Variants in EPS15L1 observed in about 807,000 individuals in gnomAD.
EPS15L1 encodes epidermal growth factor receptor substrate 15-like 1.
EPS15L1 carries 43 observed loss-of-function variants against 117.1 expected under a neutral mutation model. That is an observed-to-expected ratio of 0.37 (90% CI 0.29 to 0.47). EPS15L1 has a LOEUF of 0.47. Ranked by LOEUF, EPS15L1 falls within the 20% of genes least tolerant of loss-of-function variation. EPS15L1 has a pLI of 0.99. For synonymous variants in EPS15L1, 459 were observed against 470.5 expected (o/e 0.98, Z 0.32); for missense variants, 981 against 1,164.0 (o/e 0.84, Z 2.29).
At chr19:16,407,413 C>T (rs1385609510) in intron 13 of EPS15L1, among the ~76,000 whole-genome samples, 1 of 152,334 alleles carries the variant, frequency 6.6e-6, no homozygotes, top group Non-Finnish European at 1.5e-5. Context: ...TCAAGGGATT[C>T]TCGTGCCTCA....
intron 5 of EPS15L1, among the ~76,000 whole-genome samples, chr19:16,437,457 A>G (rs2092989428): frequency 1.3e-5 from 2 of 152,200 alleles, no homozygotes; most frequent in Admixed American, 1.3e-4. Context: ...ACAGAAATAA[A>G]ATTAGTGGTT....
intron 8 of EPS15L1, among the ~76,000 whole-genome samples, chr19:16,427,363 T>C (rs2092882428): frequency 6.6e-6 from 1 of 152,236 alleles, no homozygotes; most frequent in Non-Finnish European, 1.5e-5. Flanking sequence ...GTTTCAGTTC[T>C]GGAGTTTTCT....
intron 7 of EPS15L1, among the ~76,000 whole-genome samples, chr19:16,432,485 G>A (rs187438713): frequency 6.6e-6 from 1 of 152,010 alleles, no homozygotes; most frequent in Admixed American, 6.6e-5. Context: ...GGAGAACGGC[G>A]TGAACCCAGG....
At chr19:16,412,070 C>A (rs1473924230) in intron 13 of EPS15L1, among the ~76,000 whole-genome samples, 4 of 152,052 alleles carry the variant, frequency 2.6e-5, no homozygotes, top group Non-Finnish European at 5.9e-5. Context: ...AAATAGTTAT[C>A]ATATTGTATT....
intron 21 of EPS15L1, 115 bp from the exon 22 acceptor site, chr19:16,377,369 G>T: frequency 8.3e-7 from 1 of 1,201,578 alleles, no homozygotes; most frequent in Non-Finnish European, 1.2e-6. Flanking sequence ...CTACCCTCTG[G>T]ACTGCACAAC....
intron 1 of EPS15L1, among the ~76,000 whole-genome samples, chr19:16,466,157 T>A (rs2145203164): frequency 6.6e-6 from 1 of 152,078 alleles, no homozygotes; most frequent in East Asian, 1.9e-4. Flanking sequence ...CCTGGCTAAT[T>A]TTTGTATTTT....
intron 21 of EPS15L1, among the ~76,000 whole-genome samples, chr19:16,378,222 T>G (rs1379169628): frequency 6.6e-6 from 1 of 151,734 alleles, no homozygotes; most frequent in Non-Finnish European, 1.5e-5. Flanking sequence ...AGGTAGGCAC[T>G]TCCTATAGGG....
At chr19:16,433,354 A>G (rs1225381049) in intron 7 of EPS15L1, among the ~76,000 whole-genome samples, 1 of 150,126 alleles carries the variant, frequency 6.7e-6, no homozygotes, top group Non-Finnish European at 1.5e-5. Flanking sequence ...CTGTTCTCGA[A>G]CTCCTGACCT....
chr19:16,410,204 C>G (rs989860410), intron 13 of EPS15L1, among the ~76,000 whole-genome samples: 1 of 151,502 alleles, frequency 6.6e-6, no homozygotes, highest in Non-Finnish European at 1.5e-5. Flanking sequence ...GGCAAGGAAT[C>G]GGAATGATTT....
At chr19:16,396,530 C>T (rs897046979) in intron 16 of EPS15L1, among the ~76,000 whole-genome samples, 1 of 152,152 alleles carries the variant, frequency 6.6e-6, no homozygotes, top group Non-Finnish European at 1.5e-5. Context: ...TCCCAACGTA[C>T]TGGGATTATA....
At chr19:16,461,170 G>A (rs1031413081) in intron 1 of EPS15L1, among the ~76,000 whole-genome samples, 2 of 152,058 alleles carry the variant, frequency 1.3e-5, no homozygotes, top group Non-Finnish European at 2.9e-5. Context: ...CGGGCGTGGT[G>A]GCAGGCGCCT....
chr19:16,359,431 C>T (rs375464947), intron 23 of EPS15L1, among the ~76,000 whole-genome samples: 2 of 152,158 alleles, frequency 1.3e-5, no homozygotes, highest in East Asian at 3.8e-4. Context: ...GACAATGATA[C>T]GACCCAAGGG....
In EPS15L1 at chr19:16,363,199, G is replaced by A. The variant is rs115602846; in HGVS notation, c.2381-1215C>T. ...CTCTATCTGCCCAACGGAGTCCCTG[G>A]GCATTCAACGTGGTCCACGCAGCAC... is the stretch of plus-strand genomic sequence containing the variant. On this transcript the variant is annotated intron_variant, in intron 22 of 23. Transcript: ENST00000455140. 6.1e-3 allele frequency among the ~76,000 whole-genome samples: 923 copies of A among 152,212 alleles called. 11 individuals carry two copies. The highest frequency in any genetic ancestry group is 0.021 in the African/African-American group (865 of 41,516).
chr19:16,434,569 A>G (rs1044205421), intron 6 of EPS15L1, 79 bp from the exon 7 acceptor site: 2 of 1,496,942 alleles, frequency 1.3e-6, no homozygotes, highest in African/African-American at 2.8e-5. Context: ...ACCGAAAGCC[A>G]AGTGAAAATG....
At chr19:16,360,332 C>T (rs894932155) in intron 23 of EPS15L1, among the ~76,000 whole-genome samples, 1 of 152,080 alleles carries the variant, frequency 6.6e-6, no homozygotes, top group South Asian at 2.1e-4. Flanking sequence ...TTGTTTCTGG[C>T]TTTTATTAAC....
chr19:16,425,784 G>C (rs1394939056), intron 8 of EPS15L1, among the ~76,000 whole-genome samples: 1 of 152,154 alleles, frequency 6.6e-6, no homozygotes, highest in African/African-American at 2.4e-5. Flanking sequence ...CAGCCTGGGT[G>C]ACAGAGCGAG....
At chr19:16,408,673 T>A (rs1335520985) in intron 13 of EPS15L1, among the ~76,000 whole-genome samples, 1 of 148,362 alleles carries the variant, frequency 6.7e-6, no homozygotes, top group African/African-American at 2.5e-5. Flanking sequence ...AAAAAAAAAA[T>A]CACATGGAAA....
intron 1 of EPS15L1, among the ~76,000 whole-genome samples, chr19:16,454,363 C>T (rs185060543): frequency 8.3e-4 from 127 of 152,288 alleles, no homozygotes; most frequent in African/African-American, 1.9e-4. Context: ...GGTATCCTAT[C>T]GCCCCGCTAC....
At chr19:16,417,728 T>C (rs2124915) in intron 11 of EPS15L1, 91 bp from the exon 12 acceptor site, 1,514 of 1,264,760 alleles carry the variant, frequency 1.2e-3, no homozygotes, top group Non-Finnish European at 1.5e-3. Context: ...AGGGATAAAA[T>C]TGTCCCTTTA....
Sources: gnomAD v4.1 joint callset for allele counts (sites outside exome capture counted in the v4.1 genomes callset) on GRCh38, gnomAD v4.1.1 for gene constraint, MANE v1.5 for transcripts, NCBI Gene and HGNC (gene_info 2026-07-23, HGNC 2026-07-21) for gene names.